CPNE5: variants seen among roughly 807,000 people sequenced by gnomAD.
CPNE5 encodes copine 5.
A neutral mutation model predicts 81.1 loss-of-function variants in CPNE5; 42 were observed. That is an observed-to-expected ratio of 0.52 (90% confidence interval 0.40 to 0.67). CPNE5 has a LOEUF of 0.67. Among genes scored for constraint, CPNE5 ranks in the 30% least tolerant of loss-of-function variants. CPNE5 has a pLI of 0.00. For missense variants in CPNE5, 612 were observed against 815.5 expected (o/e 0.75, Z 3.04); for synonymous variants, 313 against 321.5 (o/e 0.97, Z 0.28).
intron 12 of CPNE5, chr6:36,757,402 T>A: frequency 1.0e-6 from 1 of 982,004 alleles, no homozygotes; most frequent in Middle Eastern, 5.2e-4. Flanking sequence ...AGTATTGCTA[T>A]CTACTTCCAG....
intron 10 of CPNE5, among the ~76,000 whole-genome samples, chr6:36,773,261 A>G (rs73414279): frequency 0.025 from 3,758 of 152,148 alleles, 147 homozygotes; most frequent in African/African-American, 0.082. Context: ...AGCCCTGCCC[A>G]TGAGCCCCCT....
In CPNE5 at chr6:36,742,806, A is replaced by G. The variant is rs147172193; in HGVS notation, c.1564-320T>C. 232 of 985,416 alleles carry G rather than the reference A, an allele frequency of 2.4e-4. No individual in the cohort carries two copies. In the African/African-American group the frequency reaches 4.0e-3, roughly 17 times the overall value. The allele number at this position is 985,416 out of a possible 1,614,324, so 61.0% of individuals were successfully genotyped here. On this transcript the variant is annotated intron_variant, in intron 20 of 20. Coordinates refer to ENST00000244751, the MANE Select transcript of CPNE5 (RefSeq NM_020939.2). ...CTGAGTAGGTGCTTCCGAAATGCCA[A>G]CTGAATCCCTGACTTCTGGGGCACG...
intron 10 of CPNE5, among the ~76,000 whole-genome samples, chr6:36,770,790 C>T (rs1015491681): frequency 2.0e-5 from 3 of 152,190 alleles, no homozygotes; most frequent in African/African-American, 7.2e-5. Context: ...ACCTCTCTTT[C>T]CCCAACCTCT....
chr6:36,742,635 G>A, intron 20 of CPNE5, 149 bp from the exon 21 acceptor site: 2 of 1,423,608 alleles, frequency 1.4e-6, no homozygotes, highest in African/African-American at 1.5e-5. Flanking sequence ...CTGAGGGACT[G>A]TATCCCTCAA....
intron 1 of CPNE5, chr6:36,827,392 T>C: frequency 1.0e-6 from 1 of 985,376 alleles, no homozygotes; most frequent in South Asian, 4.7e-5. Context: ...GGCTCACCCC[T>C]GCCCCGGGGT....
intron 3 of CPNE5, among the ~76,000 whole-genome samples, chr6:36,815,169 A>AG (rs1246905310): frequency 7.1e-6 from 1 of 140,814 alleles, no homozygotes; most frequent in East Asian, 2.1e-4. Flanking sequence ...AAAAAAAAAA[A>AG]AAGAACAAAA....
chr6:36,779,211 G>A (rs1228904025), intron 8 of CPNE5, among the ~76,000 whole-genome samples: 2 of 152,234 alleles, frequency 1.3e-5, no homozygotes, highest in Non-Finnish European at 2.9e-5. Context: ...ACTTGGGCAA[G>A]GTAGGTGACC....
At chr6:36,789,582 T>C (rs1768903881) in intron 8 of CPNE5, among the ~76,000 whole-genome samples, 1 of 152,178 alleles carries the variant, frequency 6.6e-6, no homozygotes, top group Non-Finnish European at 1.5e-5. Context: ...CCTTTAATCC[T>C]CACAGCAACC....
At chr6:36,835,022 C>A (rs1020234242) in intron 1 of CPNE5, among the ~76,000 whole-genome samples, 4 of 152,190 alleles carry the variant, frequency 2.6e-5, no homozygotes, top group Non-Finnish European at 5.9e-5. Context: ...AAAACAATAT[C>A]TCTGGGGCAG....
intron 3 of CPNE5, among the ~76,000 whole-genome samples, chr6:36,809,546 A>G (rs750420993): frequency 2.0e-5 from 3 of 152,158 alleles, no homozygotes; most frequent in African/African-American, 4.8e-5. Context: ...ACTGCACTCC[A>G]GCCTGGGCGA....
chr6:36,802,798 C>T (rs370232732), intron 3 of CPNE5, among the ~76,000 whole-genome samples: 1 of 152,128 alleles, frequency 6.6e-6, no homozygotes, highest in South Asian at 2.1e-4. Flanking sequence ...ACCTGTAATC[C>T]CAGCACTTTG....
chr6:36,746,303 G>T lies in CPNE5; in HGVS notation c.1200+93C>A. 6.8e-7 allele frequency: 1 copy of T among 1,472,420 alleles called. No homozygotes were observed. The highest frequency in any genetic ancestry group is 9.0e-7 in the Non-Finnish European group (1 of 1,107,028). 91.2% of individuals were successfully genotyped at this position (1,472,420 alleles called of 1,614,324 possible). ...CACTGAGGCTGAGCCTTAAGTCCCCGGGCTCAGAGGAAGGGAAACGTCCCC... is the reference window on the plus strand; with the variant it reads ...CACTGAGGCTGAGCCTTAAGTCCCCTGGCTCAGAGGAAGGGAAACGTCCCC... On this transcript the variant is annotated intron_variant, in intron 16 of 20. Transcript: ENST00000244751. This position sits in a 1 kb window ranked among gnomAD's most constrained non-coding sequence, Gnocchi z 4.5.
intron 3 of CPNE5, among the ~76,000 whole-genome samples, 167 bp downstream of exon 3, chr6:36,821,947 C>A (rs1246611407): frequency 2.0e-5 from 3 of 152,246 alleles, no homozygotes; most frequent in Non-Finnish European, 4.4e-5. Context: ...TCAGTCTGTT[C>A]ATGCAACAAC....
chr6:36,746,429 G>C lies in CPNE5; in HGVS notation c.1167C>G (p.Pro389=), dbSNP rs769631745. 1.9e-6 allele frequency: 3 copies of C among 1,612,978 alleles called. No homozygotes were observed. The highest frequency in any genetic ancestry group is 2.5e-6 in the Non-Finnish European group (3 of 1,179,460). The change falls in exon 16 of 21, where the codon CCC becomes CCG. Residue 389 remains proline (P), a synonymous_variant. Transcript: ENST00000244751. The surrounding 1 kb of genome is among the most constrained non-coding windows in gnomAD (Gnocchi z 4.5). ...ACTCGTGGGACACTCTGCCATCCGGGGGCAGCTTGGCCCCGAAGCCCAGGG... is the reference window on the plus strand; with the variant it reads ...ACTCGTGGGACACTCTGCCATCCGGCGGCAGCTTGGCCCCGAAGCCCAGGG... ...FPALGFGAKL[P]PDGRVSHEFP...
intron 10 of CPNE5, among the ~76,000 whole-genome samples, chr6:36,774,719 G>A (rs976904098): frequency 3.3e-5 from 5 of 151,414 alleles, no homozygotes; most frequent in South Asian, 2.1e-4. Context: ...GAGGTGGGGC[G>A]GGTGGGGAGA....
rs904378656 is a variant in CPNE5 at position 36,765,800 on chromosome 6, G to A, written c.738-424C>T. ...TGGAGGGGAGGGAAGAAGACTGCTT[G>A]TTGAGGGTCTGAGGGCTTTGGGTGT... On this transcript the variant is annotated intron_variant, in intron 10 of 20. Coordinates refer to ENST00000244751, the MANE Select transcript of CPNE5 (RefSeq NM_020939.2). Among the ~76,000 whole-genome samples the A allele has an allele frequency of 1.3e-4, 20 of 151,740 alleles. 1 individual carries two copies. The highest frequency in any genetic ancestry group is 2.9e-5 in the Non-Finnish European group (2 of 67,932).
At position 36,827,847 on chromosome 6, in the gene CPNE5, A is replaced by G. The variant is rs112134565; in HGVS notation, c.96-4749T>C. 2.7e-5 allele frequency: 20 copies of G among 750,848 alleles called. No homozygotes were observed. The African/African-American group carries it at 3.1e-4, about 12-fold the overall frequency. The allele number at this position is 750,848 out of a possible 1,614,324, so 46.5% of individuals were successfully genotyped here. On this transcript the variant is annotated intron_variant, in intron 1 of 20. Coordinates refer to ENST00000244751, the MANE Select transcript of CPNE5 (RefSeq NM_020939.2). ...TTCTTTCTTTGGAGAGCACAAAGAG[A>G]AATTTTTTTTAGCAGGAAAAACGTA... is the stretch of plus-strand genomic sequence containing the variant.
At chr6:36,786,155 A>T (rs538783569) in intron 8 of CPNE5, among the ~76,000 whole-genome samples, 1 of 152,318 alleles carries the variant, frequency 6.6e-6, no homozygotes, top group African/African-American at 2.4e-5. Flanking sequence ...ACATCAATGA[A>T]AAAGAAAAGG....
At chr6:36,749,673 A>AAC (rs397696324) in intron 14 of CPNE5, among the ~76,000 whole-genome samples, 1 of 150,024 alleles carries the variant, frequency 6.7e-6, no homozygotes, top group Non-Finnish European at 1.5e-5. Flanking sequence ...AAAAAAAAAA[A>AAC]CCCACTAAAA....
Sources: gnomAD v4.1 joint callset for allele counts (sites outside exome capture counted in the v4.1 genomes callset) on GRCh38, gnomAD v4.1.1 for gene constraint, Gnocchi (gnomAD v3.1) non-coding constraint, MANE v1.5 for transcripts, NCBI Gene and HGNC (gene_info 2026-07-23, HGNC 2026-07-21) for gene names.